The following ELAVL4 variants were observed in gnomAD, a reference collection of about 807,000 sequenced individuals.
ELAVL4 encodes ELAV-like protein 4.
In ELAVL4, 1 loss-of-function variant was observed where a neutral mutation model predicts 35.6. The observed-to-expected ratio is 0.03, with a 90% CI of 0.01 to 0.13. The LOEUF (loss-of-function observed/expected upper bound fraction) is 0.13. ELAVL4 is among the 10% of genes least tolerant of loss of function. The pLI, the probability that ELAVL4 is intolerant of heterozygous loss-of-function variation, is 1.00. For missense variants in ELAVL4, 267 were observed against 464.9 expected (o/e 0.57, Z 3.91); for synonymous variants, 156 against 171.0 (o/e 0.91, Z 0.69).
chr1:50,072,251 C>A (rs1369526455), intron 1 of ELAVL4, among the ~76,000 whole-genome samples: 2 of 152,286 alleles, frequency 1.3e-5, no homozygotes. Context: ...CCTAATCTTA[C>A]CCCAAGCAAG....
At chr1:50,057,036 G>A (rs1244032649) in intron 1 of ELAVL4, among the ~76,000 whole-genome samples, 3 of 151,978 alleles carry the variant, frequency 2.0e-5, no homozygotes, top group South Asian at 2.1e-4. Flanking sequence ...TTGTTATCAC[G>A]GGAGGTGACA....
At chr1:50,073,197 A>G (rs1379452614) in intron 1 of ELAVL4, among the ~76,000 whole-genome samples, 2 of 152,142 alleles carry the variant, frequency 1.3e-5, no homozygotes, top group South Asian at 2.1e-4. Flanking sequence ...CTACAGAGGA[A>G]GAAACATTCT....
intron 1 of ELAVL4, among the ~76,000 whole-genome samples, chr1:50,075,635 C>T (rs1266382158): frequency 1.3e-5 from 2 of 152,150 alleles, no homozygotes; most frequent in African/African-American, 4.8e-5. Context: ...TGCCAGAGTA[C>T]AGGTGGTCCT....
At chr1:50,147,095 A>G (rs1453796691) in intron 2 of ELAVL4, among the ~76,000 whole-genome samples, 1 of 152,154 alleles carries the variant, frequency 6.6e-6, no homozygotes, top group Non-Finnish European at 1.5e-5. Flanking sequence ...AAGCAGAGAC[A>G]TACAGTAGCA....
intron 1 of ELAVL4, among the ~76,000 whole-genome samples, chr1:50,067,791 G>A (rs1257884579): frequency 6.6e-6 from 1 of 152,160 alleles, no homozygotes; most frequent in Non-Finnish European, 1.5e-5. Context: ...ACATGGCTGT[G>A]GAAGCCTCAG....
chr1:50,055,666 C>T (rs185155047), intron 1 of ELAVL4, among the ~76,000 whole-genome samples: 163 of 151,786 alleles, frequency 1.1e-3, no homozygotes, highest in Non-Finnish European at 1.7e-3. Flanking sequence ...AATCTTTCTA[C>T]TTTGACCTTC....
intron 2 of ELAVL4, among the ~76,000 whole-genome samples, chr1:50,168,377 C>T (rs990434587): frequency 6.6e-6 from 1 of 152,116 alleles, no homozygotes; most frequent in Admixed American, 6.5e-5. Flanking sequence ...AGACACCTGG[C>T]GAGGCTGTGC....
chr1:50,093,658 T>A (rs1665590280), intron 1 of ELAVL4, among the ~76,000 whole-genome samples: 1 of 152,226 alleles, frequency 6.6e-6, no homozygotes. Context: ...AAGTGGTTGA[T>A]GTAGAAAGCC....
In ELAVL4 at chr1:50,177,090, A is replaced by G; in HGVS notation, c.252A>G (p.Gly84=). 1 of 1,612,490 alleles carries G rather than the reference A, an allele frequency of 6.2e-7. No individual in the cohort carries two copies. Among genetic ancestry groups the G allele is most frequent in the Non-Finnish European group, 8.5e-7 (1 of 1,178,752 alleles). ...TCTCTCTTTTTAATATTTCCACAGG[A>G]CAGAGTTTAGGGTATGGATTTGTTA... The part of the protein sequence containing the change: ...SCKLVRDKIT[G]QSLGYGFVNY... Residue 84 remains glycine (G), a splice_region_variant and synonymous_variant, in exon 3 of 7, where the codon GGA becomes GGG. Coordinates refer to ENST00000371824, the MANE Select transcript of ELAVL4 (RefSeq NM_001144774.3).
Position 50,146,258 on chromosome 1 carries a change from A to T in ELAVL4, c.250+1061A>T, listed in dbSNP as rs576435805. ...TCTATATGTGTGTGTGTAGATATAT[A>T]CATTCTTCTGTTCTCATAATTCACA... On this transcript the variant is annotated intron_variant, in intron 2 of 6. Coordinates refer to ENST00000371824, the MANE Select transcript of ELAVL4 (RefSeq NM_001144774.3). Among the ~76,000 whole-genome samples, 11 of 152,128 alleles carry T rather than the reference A, an allele frequency of 7.2e-5. 1 individual carries two copies. The East Asian group carries it at 2.1e-3, about 29-fold the overall frequency.
Position 50,189,858 on chromosome 1 carries a change from C to T in ELAVL4, c.355-3907C>T, listed in dbSNP as rs139270979. Among the ~76,000 whole-genome samples the T allele has an allele frequency of 6.2e-4, 94 of 152,292 alleles. 1 individual carries two copies. Among genetic ancestry groups the T allele is most frequent in the African/African-American group, 2.0e-3 (85 of 41,556 alleles). On this transcript the variant is annotated intron_variant, in intron 3 of 6. Coordinates refer to ENST00000371824, the MANE Select transcript of ELAVL4 (RefSeq NM_001144774.3). Reference sequence around the variant, plus strand: ...AGACTTATCAAGATCAAATTACTTGCCTAAGGTCATGCAGCTAGTGAGTAC... The same window carrying T: ...AGACTTATCAAGATCAAATTACTTGTCTAAGGTCATGCAGCTAGTGAGTAC...
At chr1:50,108,232 C>T (rs541769485), upstream of ELAVL4, among the ~76,000 whole-genome samples, 9 of 152,222 alleles carry the variant, frequency 5.9e-5, no homozygotes, top group South Asian at 1.7e-3. Flanking sequence ...CTTACCCCCA[C>T]CATTTTTTTT....
chr1:50,164,471 T>C (rs986525506), intron 2 of ELAVL4, among the ~76,000 whole-genome samples: 1 of 152,218 alleles, frequency 6.6e-6, no homozygotes, highest in African/African-American at 2.4e-5. Flanking sequence ...ACATAGCAAG[T>C]CTACCCTTAT....
intron 3 of ELAVL4, chr1:50,179,435 T>A (rs774549358): frequency 6.6e-6 from 1 of 152,220 alleles, no homozygotes; most frequent in Non-Finnish European, 1.5e-5. Context: ...GGACACAATG[T>A]TTAAGGTAAA....
chr1:50,160,233 T>C (rs761334761), intron 2 of ELAVL4, among the ~76,000 whole-genome samples: 4 of 152,190 alleles, frequency 2.6e-5, no homozygotes, highest in Non-Finnish European at 4.4e-5. Flanking sequence ...ATTCTTGCTT[T>C]GTGTAGCCAT....
rs532608325 is a variant in ELAVL4 at position 50,067,346 on chromosome 1, A to G, written c.18+19164A>G. On this transcript the variant is annotated intron_variant, in intron 1 of 6. Transcript: ENST00000448907. The stretch of plus-strand genomic sequence containing the variant: ...AAGATTAAGAAGCCTGCAGAGGAAC[A>G]AGTAGGGAACCATATCATGTATTTA... Among the ~76,000 whole-genome samples the G allele has an allele frequency of 1.7e-4, 26 of 152,338 alleles. 1 individual carries two copies. In the South Asian group the frequency reaches 5.2e-3, roughly 30 times the overall value.
intron 2 of ELAVL4, among the ~76,000 whole-genome samples, chr1:50,163,854 A>T (rs1677245213): frequency 6.6e-6 from 1 of 152,120 alleles, no homozygotes; most frequent in Non-Finnish European, 1.5e-5. Context: ...AAACAACCGC[A>T]TGCTCTCTCA....
intron 1 of ELAVL4, among the ~76,000 whole-genome samples, chr1:50,083,973 C>G (rs1218541604): frequency 6.6e-6 from 1 of 152,160 alleles, no homozygotes; most frequent in Non-Finnish European, 1.5e-5. Context: ...ATGTTGCATT[C>G]CCCTCATTGT....
intron 1 of ELAVL4, among the ~76,000 whole-genome samples, chr1:50,063,824 T>C (rs1399719194): frequency 1.3e-5 from 2 of 152,190 alleles, no homozygotes; most frequent in Non-Finnish European, 2.9e-5. Flanking sequence ...TTAGAACCTC[T>C]TACTGGACCT....
Sources: allele counts gnomAD v4.1 joint callset (sites outside exome capture counted in the v4.1 genomes callset), GRCh38; gene constraint gnomAD v4.1.1; transcripts MANE v1.5; gene names NCBI Gene and HGNC (gene_info 2026-07-23, HGNC 2026-07-21).